Variants in GRIP1 observed in about 807,000 individuals in gnomAD.
GRIP1 encodes glutamate receptor-interacting protein 1.
GRIP1 carries 45 observed loss-of-function variants against 129.9 expected under a neutral mutation model. That is an observed-to-expected ratio of 0.35 (90% CI 0.27 to 0.44). GRIP1 has a LOEUF of 0.44. Ranked by LOEUF, GRIP1 falls within the 20% of genes least tolerant of loss-of-function variation. The pLI is 1.00. For synonymous variants in GRIP1, 530 were observed against 520.8 expected, an observed-to-expected ratio of 1.02 and a Z score of -0.24; for missense variants, 1,196 against 1,396.8, an observed-to-expected ratio of 0.86 and a Z score of 2.29.
At chr12:66,365,695 C>T (rs2055099270) in intron 23 of GRIP1, among the ~76,000 whole-genome samples, 1 of 152,310 alleles carries the variant, frequency 6.6e-6, no homozygotes, top group South Asian at 2.1e-4. Flanking sequence ...GGTCACTAGA[C>T]ACACATCCAC....
chr12:66,729,479 G>A (rs951472008), intron 1 of GRIP1, among the ~76,000 whole-genome samples: 4 of 152,118 alleles, frequency 2.6e-5, no homozygotes, highest in Non-Finnish European at 5.9e-5. Flanking sequence ...CTAGAAGGAA[G>A]GACTATTATA....
At chr12:66,572,394 A>C (rs182138021) in intron 2 of GRIP1, among the ~76,000 whole-genome samples, 7 of 152,184 alleles carry the variant, frequency 4.6e-5, no homozygotes, top group Non-Finnish European at 1.0e-4. Flanking sequence ...TGTAAATTAT[A>C]GTAAAGGTAA....
At chr12:66,733,280 T>A (rs2036495399) in intron 1 of GRIP1, among the ~76,000 whole-genome samples, 1 of 152,146 alleles carries the variant, frequency 6.6e-6, no homozygotes, top group African/African-American at 2.4e-5. Flanking sequence ...TGAACTAACA[T>A]CCCTTTTCTT....
At chr12:67,033,898 C>T (rs1166577165) in intron 1 of GRIP1, among the ~76,000 whole-genome samples, 1 of 152,140 alleles carries the variant, frequency 6.6e-6, no homozygotes, top group African/African-American at 2.4e-5. Context: ...AAGAGTAGCA[C>T]ATAATACAGC....
At chr12:66,798,460 A>G (rs911448652) in intron 1 of GRIP1, among the ~76,000 whole-genome samples, 3 of 152,178 alleles carry the variant, frequency 2.0e-5, no homozygotes, top group Non-Finnish European at 2.9e-5. Flanking sequence ...TATAACTTAC[A>G]ATGTATTTAA....
chr12:66,926,266 C>G (rs1006383162), intron 1 of GRIP1, among the ~76,000 whole-genome samples: 1 of 152,160 alleles, frequency 6.6e-6, no homozygotes, highest in African/African-American at 2.4e-5. Flanking sequence ...ATAATGTTCT[C>G]CACCACCTAA....
At chr12:67,000,397 T>A (rs762715882) in intron 1 of GRIP1, among the ~76,000 whole-genome samples, 3 of 152,224 alleles carry the variant, frequency 2.0e-5, no homozygotes, top group Non-Finnish European at 1.5e-5. Context: ...AAATATTAGC[T>A]GCTACTACTA....
At chr12:66,715,065 T>C (rs541345841) in intron 1 of GRIP1, among the ~76,000 whole-genome samples, 2 of 152,160 alleles carry the variant, frequency 1.3e-5, no homozygotes, top group Non-Finnish European at 1.5e-5. Flanking sequence ...ACTGCTCTAG[T>C]GTAGGCTTTC....
chr12:66,450,979 A>C (rs1302506558), intron 11 of GRIP1, among the ~76,000 whole-genome samples: 1 of 152,202 alleles, frequency 6.6e-6, no homozygotes, highest in Non-Finnish European at 1.5e-5. Flanking sequence ...CTCTAGTAGC[A>C]GATGCTTCCG....
intron 1 of GRIP1, among the ~76,000 whole-genome samples, chr12:66,645,842 C>T (rs2032318983): frequency 6.6e-6 from 1 of 152,180 alleles, no homozygotes; most frequent in African/African-American, 2.4e-5. Flanking sequence ...CAAGAGGACT[C>T]TGATCCAGGT....
upstream of GRIP1, among the ~76,000 whole-genome samples, chr12:66,807,228 T>A (rs988593919): frequency 6.6e-6 from 1 of 152,152 alleles, no homozygotes; most frequent in Non-Finnish European, 1.5e-5. Flanking sequence ...CCAAATCTCA[T>A]GTCAAACTGT....
intron 1 of GRIP1, among the ~76,000 whole-genome samples, chr12:66,644,889 G>A (rs543798510): frequency 1.3e-5 from 2 of 152,212 alleles, no homozygotes; most frequent in Admixed American, 1.3e-4. Flanking sequence ...CCTTAGTTTT[G>A]TAATGTATAA....
chr12:66,641,364 A>T (rs1425744182), intron 1 of GRIP1, among the ~76,000 whole-genome samples: 1 of 152,210 alleles, frequency 6.6e-6, no homozygotes, highest in Non-Finnish European at 1.5e-5. Flanking sequence ...GCTTTAAGAG[A>T]TGAGCCTAAA....
At chr12:66,430,323 G>A (rs2058111201) in intron 14 of GRIP1, among the ~76,000 whole-genome samples, 2 of 152,200 alleles carry the variant, frequency 1.3e-5, no homozygotes, top group South Asian at 2.1e-4. Flanking sequence ...AAATGGAGCT[G>A]TAGCTCTAGA....
chr12:66,845,171 T>C lies in GRIP1; in HGVS notation c.58+223879A>G, dbSNP rs147187901. Among the ~76,000 whole-genome samples, 24 of 152,248 alleles carry C rather than the reference T, an allele frequency of 1.6e-4. No individual in the cohort carries two copies. The East Asian group carries it at 4.6e-3, about 29-fold the overall frequency. On this transcript the variant is annotated intron_variant, in intron 1 of 1. Transcript: ENST00000643019. Reference sequence around the variant, plus strand: ...CAATAAAAATGTTTAAAGATCAATATAGGGTCTGGGCATGGTGACTCACAA... The same window carrying C: ...CAATAAAAATGTTTAAAGATCAATACAGGGTCTGGGCATGGTGACTCACAA...
At chr12:66,947,799 C>G (rs1482606517) in intron 1 of GRIP1, among the ~76,000 whole-genome samples, 1 of 152,218 alleles carries the variant, frequency 6.6e-6, no homozygotes, top group Non-Finnish European at 1.5e-5. Context: ...ATTTACCAAC[C>G]TGATCAATAA....
intron 1 of GRIP1, among the ~76,000 whole-genome samples, chr12:66,943,992 C>T (rs1016975336): frequency 1.3e-5 from 2 of 152,096 alleles, no homozygotes; most frequent in African/African-American, 4.8e-5. Flanking sequence ...AATCTTTCAC[C>T]GATGTCCTGA....
chr12:66,484,441 T>C lies in GRIP1; in HGVS notation c.725-19019A>G, dbSNP rs551852859. 1.0e-3 allele frequency among the ~76,000 whole-genome samples: 156 copies of C among 152,296 alleles called. 1 individual carries two copies. Among genetic ancestry groups the C allele is most frequent in the African/African-American group, 3.6e-3 (151 of 41,560 alleles). On this transcript the variant is annotated intron_variant, in intron 7 of 24. Transcript: ENST00000359742. Reference sequence around the variant, plus strand: ...GATGTGAAATCAACCTAAGTGTCTATTGATGATAGGTGAATGGATAAAGAA... The same window carrying C: ...GATGTGAAATCAACCTAAGTGTCTACTGATGATAGGTGAATGGATAAAGAA...
At chr12:66,573,671 A>G (rs2063041643) in intron 2 of GRIP1, among the ~76,000 whole-genome samples, 1 of 152,052 alleles carries the variant, frequency 6.6e-6, no homozygotes, top group Non-Finnish European at 1.5e-5. Context: ...AGAAAGTTCT[A>G]CCTTAAGCTG....
Sources: gnomAD v4.1 joint callset for allele counts (sites outside exome capture counted in the v4.1 genomes callset) on GRCh38, gnomAD v4.1.1 for gene constraint, MANE v1.5 for transcripts, NCBI Gene and HGNC (gene_info 2026-07-23, HGNC 2026-07-21) for gene names.